HS6ST3: variants seen among roughly 807,000 people sequenced by gnomAD.
The protein encoded by HS6ST3 is heparan-sulfate 6-O-sulfotransferase 3.
Under a neutral mutation model 36.7 loss-of-function variants are expected in HS6ST3, and 12 were observed. The ratio of observed to expected loss-of-function variants is 0.33; its 90% CI spans 0.21 to 0.53. The LOEUF is 0.53. Among genes scored for constraint, HS6ST3 ranks in the 20% least tolerant of loss-of-function variants. The pLI is 0.95. For missense variants in HS6ST3, 584 were observed against 640.9 expected, an observed-to-expected ratio of 0.91 and a Z score of 0.96; for synonymous variants, 240 against 257.5, an observed-to-expected ratio of 0.93 and a Z score of 0.65.
At chr13:96,501,474 T>C (rs2056004119) in intron 1 of HS6ST3, among the ~76,000 whole-genome samples, 2 of 152,332 alleles carry the variant, frequency 1.3e-5, no homozygotes, top group East Asian at 3.9e-4. Flanking sequence ...GGGCAAGTTA[T>C]GTAGCTGTGC....
At chr13:96,764,372 T>TA (rs1877043652) in intron 1 of HS6ST3, among the ~76,000 whole-genome samples, 2 of 152,214 alleles carry the variant, frequency 1.3e-5, no homozygotes, top group African/African-American at 4.8e-5. Flanking sequence ...ACTTTCATCT[T>TA]AGGCTTCCCA....
intron 1 of HS6ST3, among the ~76,000 whole-genome samples, chr13:96,533,482 A>C (rs1216285511): frequency 1.3e-5 from 2 of 152,200 alleles, no homozygotes; most frequent in Non-Finnish European, 2.9e-5. Context: ...GGTGAAATAC[A>C]GAAGTCTATT....
At chr13:96,395,000 C>T (rs2055413745) in intron 1 of HS6ST3, among the ~76,000 whole-genome samples, 1 of 152,072 alleles carries the variant, frequency 6.6e-6, no homozygotes, top group Non-Finnish European at 1.5e-5. Flanking sequence ...CCACCTCTGC[C>T]TGTTTACACT....
At chr13:96,346,727 G>A (rs2139428916) in intron 1 of HS6ST3, among the ~76,000 whole-genome samples, 1 of 152,228 alleles carries the variant, frequency 6.6e-6, no homozygotes, top group East Asian at 1.9e-4. Flanking sequence ...CATGAAACTG[G>A]CCTGTAAGGC....
intron 1 of HS6ST3, among the ~76,000 whole-genome samples, chr13:96,471,340 C>A (rs2055839311): frequency 6.6e-6 from 1 of 152,152 alleles, no homozygotes; most frequent in African/African-American, 2.4e-5. Flanking sequence ...TCTCAGCATC[C>A]TTTTCCTTCT....
chr13:96,709,025 C>A (rs1019305468), intron 1 of HS6ST3, among the ~76,000 whole-genome samples: 1 of 152,154 alleles, frequency 6.6e-6, no homozygotes, highest in Non-Finnish European at 1.5e-5. Flanking sequence ...ATTATAATCC[C>A]CATAATCCCC....
At chr13:96,200,754 T>A (rs914754910) in intron 1 of HS6ST3, among the ~76,000 whole-genome samples, 4 of 152,220 alleles carry the variant, frequency 2.6e-5, no homozygotes, top group Non-Finnish European at 5.9e-5. Context: ...TACTTTTGAG[T>A]GGATGGCTAC....
rs575913464 is a variant in HS6ST3, at chr13:96,369,547, A to G, written c.707+277978A>G. 2.6e-5 allele frequency among the ~76,000 whole-genome samples: 4 copies of G among 152,238 alleles called. No homozygotes were observed. In the South Asian group the frequency reaches 6.2e-4, roughly 24 times the overall value. On this transcript the variant is annotated intron_variant, in intron 1 of 1. Transcript: ENST00000376705. ...AGAGAAAGAAGATGCTGCAAGTTGT[A>G]TTTTTCATACAAACGTGCAGAACTT...
intron 1 of HS6ST3, among the ~76,000 whole-genome samples, chr13:96,625,023 C>G (rs2056507373): frequency 6.6e-6 from 1 of 152,260 alleles, no homozygotes; most frequent in East Asian, 1.9e-4. Flanking sequence ...GCGACACTGC[C>G]ACAGCTGAGG....
At chr13:96,503,737 A>G (rs950973763) in intron 1 of HS6ST3, among the ~76,000 whole-genome samples, 2 of 152,214 alleles carry the variant, frequency 1.3e-5, no homozygotes, top group African/African-American at 4.8e-5. Flanking sequence ...TGTGCTAACT[A>G]CTTTAAGTCT....
At chr13:96,615,936 G>C (rs183943424) in intron 1 of HS6ST3, among the ~76,000 whole-genome samples, 15 of 152,272 alleles carry the variant, frequency 9.9e-5, no homozygotes, top group Non-Finnish European at 7.4e-5. Flanking sequence ...CTTAATTATA[G>C]TAAATGAAAC....
chr13:96,243,631 G>C (rs1594729037), intron 1 of HS6ST3, among the ~76,000 whole-genome samples: 1 of 152,172 alleles, frequency 6.6e-6, no homozygotes, highest in East Asian at 1.9e-4. Context: ...GCATCCTGGG[G>C]GTGGGACTGA....
intron 1 of HS6ST3, among the ~76,000 whole-genome samples, chr13:96,444,435 T>G (rs568826161): frequency 6.6e-6 from 1 of 152,356 alleles, no homozygotes; most frequent in East Asian, 1.9e-4. Flanking sequence ...TAATGCACAT[T>G]ACATGTTAAT....
chr13:96,310,821 C>T (rs184000989), intron 1 of HS6ST3, among the ~76,000 whole-genome samples: 2 of 152,208 alleles, frequency 1.3e-5, no homozygotes, highest in Admixed American at 1.3e-4. Context: ...CCTTAATATT[C>T]ATTTAACTAC....
At chr13:96,244,058 A>G (rs1017241500) in intron 1 of HS6ST3, among the ~76,000 whole-genome samples, 1 of 152,120 alleles carries the variant, frequency 6.6e-6, no homozygotes, top group Admixed American at 6.5e-5. Flanking sequence ...ATGTAGGAAG[A>G]TAATAAAGCT....
intron 1 of HS6ST3, among the ~76,000 whole-genome samples, chr13:96,505,076 T>C (rs2056020966): frequency 6.6e-6 from 1 of 152,144 alleles, no homozygotes; most frequent in Non-Finnish European, 1.5e-5. Context: ...TTATCCAACA[T>C]AATGGAAACA....
chr13:96,804,147 C>CAA (rs113872118), intron 1 of HS6ST3, among the ~76,000 whole-genome samples: 3 of 128,738 alleles, frequency 2.3e-5, no homozygotes, highest in Admixed American at 8.0e-5. Context: ...CCTGTTTTGC[C>CAA]AAAAAAAAAA....
Position 96,484,521 on chromosome 13 carries a change from C to T in HS6ST3, c.708-347969C>T, listed in dbSNP as rs185916600. ...AAAATCTCTCCATTTATCCTTCCCC[C>T]GCCACCAACTACCATTGTACTCTTT... On this transcript the variant is annotated intron_variant, in intron 1 of 1. Transcript: ENST00000376705. Among the ~76,000 whole-genome samples the T allele has an allele frequency of 9.2e-5, 14 of 152,286 alleles. No individual in the cohort carries two copies. In the South Asian group the frequency reaches 1.7e-3, roughly 18 times the overall value.
At position 96,835,603 on chromosome 13, in the gene HS6ST3, T is replaced by TCACA. The variant is rs1878905545; in HGVS notation, c.*2405_*2406insCACA. 1 of 76,838 alleles carries TCACA rather than the reference T, an allele frequency of 1.3e-5. No individual in the cohort carries two copies. Among genetic ancestry groups the TCACA allele is most frequent in the Non-Finnish European group, 2.6e-5 (1 of 37,984 alleles). The allele number at this position is 76,838 out of a possible 1,614,324, so 4.8% of individuals were successfully genotyped here. Reference sequence around the variant, plus strand: ...CAAATTATCCTTCTGCCTGCCCCTGTGACACACACACACACACACACACAC... The same window carrying TCACA: ...CAAATTATCCTTCTGCCTGCCCCTGTCACAGACACACACACACACACACACACAC... On this transcript the variant is annotated 3_prime_UTR_variant, in exon 2 of 2. Coordinates refer to ENST00000376705, the MANE Select transcript of HS6ST3 (RefSeq NM_153456.4).
Sources: gnomAD v4.1 joint callset for allele counts (sites outside exome capture counted in the v4.1 genomes callset) on GRCh38, gnomAD v4.1.1 for gene constraint, MANE v1.5 for transcripts, NCBI Gene and HGNC (gene_info 2026-07-23, HGNC 2026-07-21) for gene names.